Variants in AGBL4 observed in about 807,000 individuals in gnomAD.
AGBL4 encodes AGBL carboxypeptidase 4, also known as cytosolic carboxypeptidase 6.
In AGBL4, 58 loss-of-function variants were observed where a neutral mutation model predicts 66.4. That is an observed-to-expected ratio of 0.87 (90% CI 0.71 to 1.09). The LOEUF (loss-of-function observed/expected upper bound fraction) is 1.09, where lower values mean the gene tolerates loss of function less well. Ranked by LOEUF, AGBL4 falls within the 50% of genes least tolerant of loss-of-function variation. AGBL4 has a pLI of 0.00. For synonymous variants in AGBL4, 234 were observed against 222.9 expected (o/e 1.05, Z -0.44); for missense variants, 579 against 631.0 (o/e 0.92, Z 0.88).
At chr1:49,602,678 A>G (rs1332808871) in intron 3 of AGBL4, among the ~76,000 whole-genome samples, 2 of 151,576 alleles carry the variant, frequency 1.3e-5, no homozygotes, top group Non-Finnish European at 2.9e-5. Flanking sequence ...AACATCACAC[A>G]CTGGGGCCTG....
At chr1:49,532,622 T>C (rs990893014) in intron 3 of AGBL4, among the ~76,000 whole-genome samples, 5 of 152,132 alleles carry the variant, frequency 3.3e-5, no homozygotes, top group Non-Finnish European at 5.9e-5. Context: ...ACCATGTGCT[T>C]TCACCTTTAA....
At chr1:49,940,241 T>G (rs1212403869) in intron 1 of AGBL4, among the ~76,000 whole-genome samples, 10 of 152,216 alleles carry the variant, frequency 6.6e-5, no homozygotes, top group Admixed American at 2.6e-4. Flanking sequence ...GGAACACTTT[T>G]ACACTGTTGG....
At chr1:49,097,844 G>A (rs1304433087) in intron 4 of AGBL4, among the ~76,000 whole-genome samples, 4 of 152,322 alleles carry the variant, frequency 2.6e-5, no homozygotes, top group African/African-American at 4.8e-5. Flanking sequence ...GCCTCCCTAA[G>A]TGCTGGGATT....
intron 9 of AGBL4, among the ~76,000 whole-genome samples, chr1:48,604,500 A>T (rs746115410): frequency 6.6e-6 from 1 of 152,194 alleles, no homozygotes; most frequent in Non-Finnish European, 1.5e-5. Context: ...CCGTATAAAT[A>T]GAACTCTTTA....
intron 3 of AGBL4, among the ~76,000 whole-genome samples, chr1:49,420,482 C>T (rs775465583): frequency 3.3e-5 from 5 of 152,000 alleles, no homozygotes; most frequent in Non-Finnish European, 5.9e-5. Flanking sequence ...GGGCGGATCA[C>T]GAGGTCAGGA....
chr1:48,862,661 C>T (rs1647596686), intron 6 of AGBL4, among the ~76,000 whole-genome samples: 1 of 152,174 alleles, frequency 6.6e-6, no homozygotes, highest in African/African-American at 2.4e-5. Flanking sequence ...TTTTTGTTAA[C>T]TGGACTCTGC....
chr1:49,034,628 A>G (rs1008669943), intron 5 of AGBL4, among the ~76,000 whole-genome samples: 1 of 152,120 alleles, frequency 6.6e-6, no homozygotes, highest in South Asian at 2.1e-4. Context: ...TAGTTTAATC[A>G]TGGGGGTGGC....
intron 4 of AGBL4, among the ~76,000 whole-genome samples, chr1:49,118,748 A>G (rs557529864): frequency 4.6e-5 from 7 of 152,062 alleles, no homozygotes; most frequent in Non-Finnish European, 8.8e-5. Context: ...TTTTCTATTG[A>G]TTGGAATAGT....
At chr1:48,838,643 T>A (rs752077619) in intron 6 of AGBL4, among the ~76,000 whole-genome samples, 3 of 152,076 alleles carry the variant, frequency 2.0e-5, no homozygotes, top group Non-Finnish European at 2.9e-5. Context: ...ATTTCTTGAG[T>A]AAGACATCAA....
At chr1:48,863,240 C>A (rs1410817594) in intron 6 of AGBL4, among the ~76,000 whole-genome samples, 2 of 151,902 alleles carry the variant, frequency 1.3e-5, no homozygotes, top group East Asian at 3.9e-4. Flanking sequence ...TAAGTACATA[C>A]CCACATATAA....
At chr1:49,571,634 A>T (rs1644333494) in intron 3 of AGBL4, among the ~76,000 whole-genome samples, 1 of 152,138 alleles carries the variant, frequency 6.6e-6, no homozygotes, top group South Asian at 2.1e-4. Context: ...GAAAGTGGAC[A>T]TCTTTCTCTT....
chr1:49,087,119 C>A (rs1190002243), intron 4 of AGBL4, among the ~76,000 whole-genome samples: 1 of 151,726 alleles, frequency 6.6e-6, no homozygotes, highest in Non-Finnish European at 1.5e-5. Context: ...ACTGAGGGAA[C>A]ATCAGCCCAC....
intron 4 of AGBL4, among the ~76,000 whole-genome samples, chr1:49,144,596 GC>G (rs1646181695): frequency 6.6e-6 from 1 of 151,720 alleles, no homozygotes; most frequent in Non-Finnish European, 1.5e-5. Context: ...TCAGACCTAA[GC>G]TGGGTTCTAG....
At chr1:49,901,800 C>T (rs1383411721) in intron 1 of AGBL4, among the ~76,000 whole-genome samples, 1 of 152,040 alleles carries the variant, frequency 6.6e-6, no homozygotes, top group African/African-American at 2.4e-5. Flanking sequence ...ATTTCAAGGC[C>T]ACAGTAACCA....
At chr1:48,677,103 G>C (rs1646378346) in intron 6 of AGBL4, among the ~76,000 whole-genome samples, 1 of 152,156 alleles carries the variant, frequency 6.6e-6, no homozygotes, top group Non-Finnish European at 1.5e-5. Flanking sequence ...TAAGTGGCTG[G>C]GGCTGGCTCT....
chr1:49,079,110 T>A (rs1162087482), intron 4 of AGBL4, among the ~76,000 whole-genome samples: 2 of 152,150 alleles, frequency 1.3e-5, no homozygotes, highest in Non-Finnish European at 2.9e-5. Context: ...TTCTTTAGGG[T>A]CTGCACAGGG....
intron 6 of AGBL4, among the ~76,000 whole-genome samples, chr1:48,681,770 T>A (rs1044233710): frequency 6.6e-6 from 1 of 152,126 alleles, no homozygotes; most frequent in Admixed American, 6.5e-5. Flanking sequence ...GTTACCTCAC[T>A]CTTGGCTCAA....
intron 1 of AGBL4, among the ~76,000 whole-genome samples, chr1:49,873,090 T>G (rs1192350326): frequency 6.6e-6 from 1 of 152,018 alleles, no homozygotes; most frequent in Non-Finnish European, 1.5e-5. Flanking sequence ...GTATTTTATA[T>G]ATATATATAA....
rs1021917067 is a variant in AGBL4, at chr1:49,308,435, C to CA, written c.283-62572dup. 4.0e-5 allele frequency among the ~76,000 whole-genome samples: 6 copies of CA among 151,520 alleles called. No homozygotes were observed. The East Asian group carries it at 1.2e-3, about 29-fold the overall frequency. Reference sequence around the variant, plus strand: ...GTCACCAGAGAGTTCTGGGAAGAGGCAAAATGCAAGGAAAAGTATGCTGTC... The same window carrying CA: ...GTCACCAGAGAGTTCTGGGAAGAGGCAAAAATGCAAGGAAAAGTATGCTGTC... On this transcript the variant is annotated intron_variant, in intron 3 of 13. Transcript: ENST00000371839.
Sources: allele counts gnomAD v4.1 joint callset (sites outside exome capture counted in the v4.1 genomes callset), GRCh38; gene constraint gnomAD v4.1.1; transcripts MANE v1.5; gene names NCBI Gene and HGNC (gene_info 2026-07-23, HGNC 2026-07-21).